Variants in ADAMTSL3 observed in about 807,000 individuals in gnomAD.
ADAMTSL3 encodes ADAMTS like 3.
In ADAMTSL3, 128 loss-of-function variants were observed where a neutral mutation model predicts 201.7. That is an observed-to-expected ratio of 0.63 (90% CI 0.55 to 0.73). The LOEUF is 0.73. Among genes scored for constraint, ADAMTSL3 ranks in the 30% least tolerant of loss-of-function variants. The pLI is 0.00. For synonymous variants in ADAMTSL3, 738 were observed against 748.4 expected, an observed-to-expected ratio of 0.99 and a Z score of 0.23; for missense variants, 1,990 against 2,119.6, an observed-to-expected ratio of 0.94 and a Z score of 1.20.
intron 5 of ADAMTSL3, among the ~76,000 whole-genome samples, chr15:83,816,495 T>C (rs775751634): frequency 1.3e-5 from 2 of 152,248 alleles, no homozygotes; most frequent in Non-Finnish European, 2.9e-5. Flanking sequence ...GAGAGTTAGC[T>C]AGCCGGCACA....
At position 83,983,330 on chromosome 15, in the gene ADAMTSL3, A is replaced by G; in HGVS notation, c.3702A>G (p.Leu1234=). ...TYTWTKDGTL[L]QPSVKIILDG... ...CATGGACCAAGGATGGAACCTTGTT[A>G]CAGCCCTCAGTAAAGTAAGTAAAAT... is the stretch of plus-strand genomic sequence containing the variant. Residue 1234 remains leucine (L), a synonymous_variant, in exon 21 of 30, where the codon TTA becomes TTG. Transcript: ENST00000286744. 1.3e-6 allele frequency: 2 copies of G among 1,524,616 alleles called. No individual in the cohort carries two copies. Among genetic ancestry groups the G allele is most frequent in the Non-Finnish European group, 1.8e-6 (2 of 1,137,212 alleles). The allele number at this position is 1,524,616 out of a possible 1,614,324, so 94.4% of individuals were successfully genotyped here.
In ADAMTSL3 at chr15:84,021,533, A is replaced by G. The variant is rs776805674; in HGVS notation, c.4397A>G (p.Asp1466Gly). 1.9e-6 allele frequency: 3 copies of G among 1,614,114 alleles called. No homozygotes were observed. Among genetic ancestry groups the G allele is most frequent in the Non-Finnish European group, 1.7e-6 (2 of 1,180,002 alleles). Residue 1466 changes from aspartate to glycine, a missense_variant, in exon 26 of 30, where the codon GAT becomes GGT. Transcript: ENST00000286744. Reference protein sequence around the residue: ...NGQEVSEALCDHLQKPLAGFE... With the variant: ...NGQEVSEALCGHLQKPLAGFE... The stretch of plus-strand genomic sequence containing the variant: ...CAGGAAGTGAGTGAGGCCCTGTGTG[A>G]TCACCTCCAGAAGCCACTGGCTGGG...
In ADAMTSL3 at chr15:83,988,787, A is replaced by C; in HGVS notation, c.3813A>C (p.Ser1271=). The C allele has an allele frequency of 1.2e-6, 2 of 1,604,598 alleles. No individual in the cohort carries two copies. Among genetic ancestry groups the C allele is most frequent in the South Asian group, 1.1e-5 (1 of 89,010 alleles). ...YECSVANHLG[S]DVESSSVLYA... ...GTTCTGTAGCTAATCATCTTGGTTC[A>C]GATGTGGAAAGTTCTTCTGTGCTGT... The change falls in exon 22 of 30, where the codon TCA becomes TCC. Residue 1271 remains serine, a synonymous_variant. Transcript: ENST00000286744.
chr15:83,713,486 A>G (rs966573759), intron 3 of ADAMTSL3, among the ~76,000 whole-genome samples: 1 of 152,150 alleles, frequency 6.6e-6, no homozygotes, highest in African/African-American at 2.4e-5. Context: ...ATGGGGAGTA[A>G]TGGCAGGTGG....
intron 4 of ADAMTSL3, among the ~76,000 whole-genome samples, chr15:83,781,516 A>T (rs2063167655): frequency 6.6e-6 from 1 of 152,184 alleles, no homozygotes; most frequent in African/African-American, 2.4e-5. Context: ...ACCCTGGAAG[A>T]CGATACCATT....
intron 19 of ADAMTSL3, among the ~76,000 whole-genome samples, chr15:83,955,127 G>A (rs180936781): frequency 1.3e-5 from 2 of 152,330 alleles, no homozygotes; most frequent in African/African-American, 2.4e-5. Flanking sequence ...CAGGCCCTGG[G>A]CATGTCCAGA....
chr15:83,738,284 C>T (rs1442671208), intron 3 of ADAMTSL3, among the ~76,000 whole-genome samples: 1 of 152,218 alleles, frequency 6.6e-6, no homozygotes, highest in Non-Finnish European at 1.5e-5. Context: ...TTCTCACCCA[C>T]TTTCCCCAAT....
At chr15:84,007,317 C>T (rs1032748976) in intron 23 of ADAMTSL3, among the ~76,000 whole-genome samples, 2 of 152,084 alleles carry the variant, frequency 1.3e-5, no homozygotes, top group East Asian at 1.9e-4. Flanking sequence ...CTAATAAAAC[C>T]GAAAAGTTCT....
intron 3 of ADAMTSL3, among the ~76,000 whole-genome samples, chr15:83,712,154 C>T (rs1167858546): frequency 1.3e-5 from 2 of 152,158 alleles, no homozygotes; most frequent in Non-Finnish European, 2.9e-5. Context: ...TGTCACAATC[C>T]CTGGATGAAA....
intron 22 of ADAMTSL3, among the ~76,000 whole-genome samples, chr15:83,990,099 A>G (rs1226332436): frequency 6.6e-6 from 1 of 152,252 alleles, no homozygotes; most frequent in African/African-American, 2.4e-5. Context: ...TGAACCACAC[A>G]TTGGGTGAGG....
chr15:83,782,923 T>C (rs1008538435), intron 4 of ADAMTSL3, among the ~76,000 whole-genome samples: 7 of 148,114 alleles, frequency 4.7e-5, no homozygotes, highest in Admixed American at 2.0e-4. Context: ...TATATATATA[T>C]ATATATTATA....
chr15:83,768,566 C>T (rs2062928504), intron 3 of ADAMTSL3, among the ~76,000 whole-genome samples: 3 of 152,240 alleles, frequency 2.0e-5, no homozygotes, highest in Admixed American at 1.3e-4. Flanking sequence ...TGCAAAGGAT[C>T]TGGGAACGTA....
intron 15 of ADAMTSL3, 87 bp from the exon 16 acceptor site, chr15:83,913,005 C>A: frequency 7.0e-7 from 1 of 1,433,548 alleles, no homozygotes; most frequent in Non-Finnish European, 9.5e-7. Context: ...TTATTTTTGC[C>A]TTCGTTGAAT....
At chr15:83,814,372 C>T (rs2063740842) in intron 5 of ADAMTSL3, among the ~76,000 whole-genome samples, 1 of 152,214 alleles carries the variant, frequency 6.6e-6, no homozygotes. Flanking sequence ...TAAATCTCCT[C>T]ACTTGCATTC....
intron 16 of ADAMTSL3, among the ~76,000 whole-genome samples, chr15:83,916,869 A>G (rs117666879): frequency 0.014 from 2,169 of 152,346 alleles, 26 homozygotes; most frequent in Non-Finnish European, 0.02. Flanking sequence ...CTAAATCTTC[A>G]GGGATATAAA....
intron 28 of ADAMTSL3, 66 bp from the exon 29 acceptor site, chr15:84,036,707 A>G (rs2068512451): frequency 7.5e-7 from 1 of 1,329,594 alleles, no homozygotes; most frequent in African/African-American, 1.5e-5. Context: ...GCTTGGTCCC[A>G]GCAAAAAGTT....
chr15:83,715,179 T>A (rs2062000177), intron 3 of ADAMTSL3, among the ~76,000 whole-genome samples: 1 of 152,166 alleles, frequency 6.6e-6, no homozygotes, highest in African/African-American at 2.4e-5. Context: ...ATGCAGGATG[T>A]GAGGCTTGGA....
chr15:83,927,656 G>T (rs1209915565), intron 17 of ADAMTSL3, among the ~76,000 whole-genome samples: 1 of 152,138 alleles, frequency 6.6e-6, no homozygotes, highest in Non-Finnish European at 1.5e-5. Context: ...CTGAAATTTA[G>T]GATTTTTAGG....
chr15:83,776,717 C>CAA (rs910402976), intron 4 of ADAMTSL3, among the ~76,000 whole-genome samples: 1 of 141,556 alleles, frequency 7.1e-6, no homozygotes. Flanking sequence ...AACTCCGTCT[C>CAA]AAAAAAAAAA....
Sources: gnomAD v4.1 joint callset for allele counts (sites outside exome capture counted in the v4.1 genomes callset) on GRCh38, gnomAD v4.1.1 for gene constraint, MANE v1.5 for transcripts, NCBI Gene and HGNC (gene_info 2026-07-23, HGNC 2026-07-21) for gene names.